Variants in RAD51B observed in about 807,000 individuals in gnomAD.
RAD51B encodes the protein DNA repair protein RAD51 homolog 2.
In RAD51B, 38 loss-of-function variants were observed where a neutral mutation model predicts 42.2. That is an observed-to-expected ratio of 0.90 (90% CI 0.70 to 1.18). RAD51B has a LOEUF of 1.18. Among genes scored for constraint, RAD51B ranks in the 50% most tolerant of loss-of-function variants. RAD51B has a pLI of 0.00. For missense variants in RAD51B, 373 were observed against 400.7 expected (o/e 0.93, Z 0.59); for synonymous variants, 154 against 145.2 (o/e 1.06, Z -0.43).
intron 8 of RAD51B, among the ~76,000 whole-genome samples, chr14:68,405,653 A>T (rs1186954172): frequency 6.6e-6 from 1 of 152,006 alleles, no homozygotes; most frequent in Non-Finnish European, 1.5e-5. Flanking sequence ...CTTACTTAAG[A>T]CTTGGGTTTA....
intron 7 of RAD51B, among the ~76,000 whole-genome samples, chr14:68,022,669 C>T (rs11158715): frequency 0.31 from 46,637 of 150,806 alleles, 9,841 homozygotes; most frequent in African/African-American, 0.6. Context: ...ACTCTTATTT[C>T]AGGTTCAAGG....
chr14:68,486,290 G>A (rs562450756), intron 10 of RAD51B, among the ~76,000 whole-genome samples: 1 of 152,170 alleles, frequency 6.6e-6, no homozygotes, highest in African/African-American at 2.4e-5. Context: ...ACCTGCTACT[G>A]TGGGGTTCTA....
At chr14:68,644,179 A>G (rs1892520505) in intron 10 of RAD51B, among the ~76,000 whole-genome samples, 1 of 152,244 alleles carries the variant, frequency 6.6e-6, no homozygotes, top group South Asian at 2.1e-4. Context: ...TCTAATTCAT[A>G]CAATGAGCAC....
At chr14:68,644,752 CT>C (rs112478820) in intron 10 of RAD51B, among the ~76,000 whole-genome samples, 7 of 148,202 alleles carry the variant, frequency 4.7e-5, no homozygotes, top group South Asian at 2.1e-4. Flanking sequence ...TTGTCGTTTG[CT>C]TTTTTTTTTA....
chr14:67,934,169 C>T (rs755821903), intron 7 of RAD51B, among the ~76,000 whole-genome samples: 12 of 152,198 alleles, frequency 7.9e-5, no homozygotes, highest in Non-Finnish European at 1.6e-4. Context: ...GGAACTGTAA[C>T]CACTAGGTGG....
intron 10 of RAD51B, chr14:68,561,935 T>C (rs1243988550): frequency 1.0e-6 from 1 of 984,328 alleles, no homozygotes; most frequent in Non-Finnish European, 1.2e-6. Context: ...AGGTCATGTG[T>C]GCAAAGTTCT....
At chr14:68,348,233 T>A (rs2082712202) in intron 8 of RAD51B, among the ~76,000 whole-genome samples, 1 of 152,222 alleles carries the variant, frequency 6.6e-6, no homozygotes, top group African/African-American at 2.4e-5. Flanking sequence ...CATATAAAAA[T>A]TTAAAATACT....
At chr14:68,678,875 C>T (rs896854261) in intron 11 of RAD51B, among the ~76,000 whole-genome samples, 5 of 152,068 alleles carry the variant, frequency 3.3e-5, no homozygotes, top group East Asian at 1.9e-4. Context: ...GAGCCCTTTA[C>T]GAAATTTTAA....
intron 7 of RAD51B, among the ~76,000 whole-genome samples, chr14:68,260,318 T>TGTGTGTGTGTGTGTGTGTGTGTGTGTGTG (rs1049368684): frequency 7.8e-6 from 1 of 128,044 alleles, no homozygotes; most frequent in African/African-American, 4.9e-5. Flanking sequence ...TGTGTGTGTG[T>TGTGTGTGTGTGTGTGTGTGTGTGTGTGTG]GGAGAGGGGA....
At chr14:68,395,944 G>A (rs2083906189) in intron 8 of RAD51B, among the ~76,000 whole-genome samples, 1 of 152,336 alleles carries the variant, frequency 6.6e-6, no homozygotes, top group East Asian at 1.9e-4. Flanking sequence ...CCGTGGTAAT[G>A]TCATGAAAAC....
intron 4 of RAD51B, among the ~76,000 whole-genome samples, chr14:67,859,825 G>A (rs377446797): frequency 1.3e-5 from 2 of 152,006 alleles, no homozygotes; most frequent in African/African-American, 4.8e-5. Flanking sequence ...CAAGTTAAAT[G>A]AATTTTTTTT....
chr14:68,127,829 A>G (rs1407993437), intron 7 of RAD51B, among the ~76,000 whole-genome samples: 3 of 152,208 alleles, frequency 2.0e-5, no homozygotes, highest in African/African-American at 7.2e-5. Context: ...TTGATCTGTT[A>G]TCAGATAGAA....
At chr14:67,860,092 G>T (rs2042117441) in intron 4 of RAD51B, among the ~76,000 whole-genome samples, 1 of 152,134 alleles carries the variant, frequency 6.6e-6, no homozygotes, top group Admixed American at 6.5e-5. Context: ...AAAGTGCTGG[G>T]ATTACAAGCA....
intron 7 of RAD51B, among the ~76,000 whole-genome samples, chr14:67,996,150 C>G (rs1444995665): frequency 6.6e-6 from 1 of 151,692 alleles, no homozygotes; most frequent in East Asian, 2.0e-4. Flanking sequence ...AATCCCAGCA[C>G]TTTGGGAGGC....
chr14:68,303,861 A>G (rs754142236), intron 8 of RAD51B, among the ~76,000 whole-genome samples: 5 of 152,184 alleles, frequency 3.3e-5, no homozygotes, highest in Non-Finnish European at 7.4e-5. Flanking sequence ...ATAGCAAATG[A>G]CTTAAAGTAC....
chr14:68,663,510 C>G (rs1014303098), intron 11 of RAD51B, among the ~76,000 whole-genome samples: 3 of 152,312 alleles, frequency 2.0e-5, no homozygotes, highest in Admixed American at 6.5e-5. Context: ...AGGCTCCCCC[C>G]GCTGCTAGCC....
At chr14:68,385,927 G>T (rs975229809) in intron 8 of RAD51B, among the ~76,000 whole-genome samples, 4 of 152,204 alleles carry the variant, frequency 2.6e-5, no homozygotes, top group African/African-American at 9.6e-5. Context: ...CTCAGGCACT[G>T]AGAGATTGTT....
At chr14:68,571,585 A>G (rs528055274) in intron 10 of RAD51B, among the ~76,000 whole-genome samples, 26 of 151,994 alleles carry the variant, frequency 1.7e-4, no homozygotes, top group Middle Eastern at 6.8e-3. Context: ...TTCTTTTAGG[A>G]CCCTTGTGAT....
At chr14:67,852,483 T>C (rs115382695) in intron 4 of RAD51B, among the ~76,000 whole-genome samples, 101 of 152,340 alleles carry the variant, frequency 6.6e-4, no homozygotes, top group African/African-American at 2.4e-3. Flanking sequence ...TTCTTTGCGA[T>C]GTGAACCTTT....
Sources: allele counts gnomAD v4.1 joint callset (sites outside exome capture counted in the v4.1 genomes callset), GRCh38; gene constraint gnomAD v4.1.1; transcripts MANE v1.5; gene names NCBI Gene and HGNC (gene_info 2026-07-23, HGNC 2026-07-21).